Variants in SCAI observed in about 807,000 individuals in gnomAD.
SCAI encodes the protein protein SCAI.
In SCAI, 24 loss-of-function variants were observed where a neutral mutation model predicts 92.2. The ratio of observed to expected loss-of-function variants is 0.26; its 90% confidence interval spans 0.19 to 0.37. The LOEUF (loss-of-function observed/expected upper bound fraction) is 0.37, where lower values mean the gene tolerates loss of function less well. SCAI is among the 10% of genes least tolerant of loss of function. The probability of loss-of-function intolerance (pLI) is 1.00; values close to 1 mark genes in which losing one functional copy is unlikely to be tolerated. For missense variants in SCAI, 450 were observed against 736.2 expected (o/e 0.61, Z 4.50); for synonymous variants, 261 against 258.6 (o/e 1.01, Z -0.09).
chr9:124,987,032 G>A (rs903238824), intron 14 of SCAI, among the ~76,000 whole-genome samples: 8 of 152,140 alleles, frequency 5.3e-5, no homozygotes, highest in Non-Finnish European at 1.0e-4. Flanking sequence ...TGCCCAAAAT[G>A]ACTGAGGGCC....
rs754355465 is a variant in SCAI at position 124,952,814 on chromosome 9, T to G, written c.1814A>C (p.Asp605Ala). ...RNVFFENTID[D>A]Y ...GACAACAGGGTTTTTGTTTTAATAG[T>G]CATCAATGGTATTCTCAAAGAACAC... Residue 605 changes from aspartate to alanine, a missense_variant, in exon 18 of 18, where the codon GAC becomes GCC. Transcript: ENST00000336505. The G allele has an allele frequency of 4.4e-6, 7 of 1,608,916 alleles. No homozygotes were observed. Among genetic ancestry groups the G allele is most frequent in the Non-Finnish European group, 5.9e-6 (7 of 1,178,328 alleles).
intron 9 of SCAI, among the ~76,000 whole-genome samples, chr9:125,007,576 G>A (rs1472843420): frequency 2.0e-5 from 3 of 152,000 alleles, no homozygotes; most frequent in Non-Finnish European, 4.4e-5. Flanking sequence ...CTTCAGCCTG[G>A]GAGGTCAAGG....
At chr9:124,987,693 G>A (rs910718015) in intron 14 of SCAI, among the ~76,000 whole-genome samples, 1 of 152,118 alleles carries the variant, frequency 6.6e-6, no homozygotes, top group Non-Finnish European at 1.5e-5. Flanking sequence ...CGGGCATGGT[G>A]GCTCACACCT....
At chr9:125,120,912 A>G (rs1206439270) in intron 2 of SCAI, among the ~76,000 whole-genome samples, 1 of 151,944 alleles carries the variant, frequency 6.6e-6, no homozygotes, top group Non-Finnish European at 1.5e-5. Context: ...AGGAGAGAGG[A>G]CATTTAGGGA....
intron 17 of SCAI, among the ~76,000 whole-genome samples, chr9:124,963,477 C>T (rs529317851): frequency 4.0e-5 from 6 of 151,804 alleles, no homozygotes; most frequent in East Asian, 2.0e-4. Flanking sequence ...GGGCTGAGCA[C>T]GGTGGCTCAC....
At chr9:125,140,106 A>G (rs1169239931) in intron 2 of SCAI, among the ~76,000 whole-genome samples, 1 of 152,146 alleles carries the variant, frequency 6.6e-6, no homozygotes, top group Non-Finnish European at 1.5e-5. Flanking sequence ...CTGTAGTCCC[A>G]GGTACTTGGG....
intron 3 of SCAI, among the ~76,000 whole-genome samples, chr9:125,055,312 T>C (rs375800243): frequency 1.9e-4 from 29 of 152,162 alleles, no homozygotes; most frequent in Non-Finnish European, 3.8e-4. Context: ...TCAGTGAATA[T>C]CCTAAGACTC....
chr9:125,054,816 T>C (rs773528533), intron 3 of SCAI, among the ~76,000 whole-genome samples: 1 of 152,162 alleles, frequency 6.6e-6, no homozygotes, highest in Non-Finnish European at 1.5e-5. Context: ...ACAAAGCCTT[T>C]ACAATGTGCA....
chr9:124,967,308 G>T (rs1831561263), intron 17 of SCAI, among the ~76,000 whole-genome samples: 1 of 152,158 alleles, frequency 6.6e-6, no homozygotes. Context: ...CTGTTAGGCT[G>T]CTTGACAGGA....
chr9:125,130,935 G>GT (rs1564133509), intron 2 of SCAI, among the ~76,000 whole-genome samples: 3 of 92,736 alleles, frequency 3.2e-5, no homozygotes, highest in Non-Finnish European at 7.4e-5. Context: ...GGTTTGAACC[G>GT]CTTTTTTTTT....
At chr9:124,987,064 G>A (rs1030319572) in intron 14 of SCAI, among the ~76,000 whole-genome samples, 7 of 152,216 alleles carry the variant, frequency 4.6e-5, no homozygotes, top group Middle Eastern at 3.4e-3. Flanking sequence ...ATGGAGTCTC[G>A]CTCTGTCGCC....
chr9:125,126,567 GGTGT>G (rs748121151), intron 2 of SCAI, among the ~76,000 whole-genome samples: 13 of 128,578 alleles, frequency 1.0e-4, no homozygotes, highest in Admixed American at 7.0e-4. Context: ...GGTGGGTGTG[GGTGT>G]GTGTGTGTGT....
rs1051920683 is a variant in SCAI at position 125,143,462 on chromosome 9, C to T, written c.-25G>A. ...TCCGGCTCCTGCTCCGCCGCGGGAG[C>T]TGCTCCGGCGGCCGCAGGGCTCGCT... On this transcript the variant is annotated 5_prime_UTR_variant, in exon 1 of 18. Coordinates refer to ENST00000336505, the MANE Select transcript of SCAI (RefSeq NM_001144877.3). The T allele has an allele frequency of 2.2e-6, 3 of 1,341,890 alleles. No individual in the cohort carries two copies. The highest frequency in any genetic ancestry group is 2.8e-4 in the Middle Eastern group (1 of 3,616). The allele number at this position is 1,341,890 out of a possible 1,614,324, so 83.1% of individuals were successfully genotyped here.
Position 124,965,320 on chromosome 9 carries a change from G to A in SCAI, c.1674+6050C>T, listed in dbSNP as rs112196161. Among the ~76,000 whole-genome samples the A allele has an allele frequency of 1.1e-3, 166 of 152,092 alleles. 1 individual carries two copies. Among genetic ancestry groups the A allele is most frequent in the African/African-American group, 3.9e-3 (161 of 41,490 alleles). ...GTGATCTCAGCTCACTGCAACCTCC[G>A]CCTTCTGGTTTCAAGCAGTTCTCCT... On this transcript the variant is annotated intron_variant, in intron 17 of 17. Coordinates refer to ENST00000336505, the MANE Select transcript of SCAI (RefSeq NM_001144877.3).
At chr9:125,096,622 T>C (rs1172185911) in intron 2 of SCAI, among the ~76,000 whole-genome samples, 4 of 152,310 alleles carry the variant, frequency 2.6e-5, no homozygotes, top group East Asian at 3.9e-4. Flanking sequence ...CCAGTCCTAC[T>C]TTCCCACTCC....
intron 3 of SCAI, among the ~76,000 whole-genome samples, chr9:125,045,500 C>A (rs1009210756): frequency 2.0e-5 from 3 of 152,134 alleles, no homozygotes; most frequent in African/African-American, 7.2e-5. Context: ...CTACCACACC[C>A]AGCTATATTT....
At chr9:125,074,968 T>C (rs1233844185) in intron 2 of SCAI, among the ~76,000 whole-genome samples, 1 of 151,946 alleles carries the variant, frequency 6.6e-6, no homozygotes, top group East Asian at 1.9e-4. Flanking sequence ...TACACTTCAG[T>C]CTGGGCAACA....
intron 2 of SCAI, among the ~76,000 whole-genome samples, chr9:125,122,353 G>C (rs1835171869): frequency 6.6e-6 from 1 of 152,096 alleles, no homozygotes; most frequent in Non-Finnish European, 1.5e-5. Flanking sequence ...CACTTTGGGA[G>C]GTCGAGGCGG....
intron 17 of SCAI, among the ~76,000 whole-genome samples, chr9:124,965,214 TC>T (rs1831514838): frequency 6.6e-6 from 1 of 152,200 alleles, no homozygotes; most frequent in Non-Finnish European, 1.5e-5. Flanking sequence ...TTTTCTCAAA[TC>T]ATAATATATG....
Sources: gnomAD v4.1 joint callset for allele counts (sites outside exome capture counted in the v4.1 genomes callset) on GRCh38, gnomAD v4.1.1 for gene constraint, MANE v1.5 for transcripts, NCBI Gene and HGNC (gene_info 2026-07-23, HGNC 2026-07-21) for gene names.